Variants in UQCC6 observed in about 807,000 individuals in gnomAD.
UQCC6 encodes ubiquinol-cytochrome c reductase complex assembly factor 6.
At chr12:103,962,977 T>G in the UQCC6 span, among the ~76,000 whole-genome samples, 1 of 152,226 alleles carries the variant, frequency 6.6e-6, no homozygotes, top group Admixed American at 6.5e-5. Context: ...GAAGCTTAGT[T>G]GAAAATCAGT....
chr12:103,957,896 TATATATATA>T, the UQCC6 span, among the ~76,000 whole-genome samples: 8 of 145,528 alleles, frequency 5.5e-5, no homozygotes, highest in African/African-American at 2.0e-4. Flanking sequence ...ACTAAAAATA[TATATATATA>T]ATATATATTT....
chr12:103,956,563 C>A, the UQCC6 span: 1 of 1,065,794 alleles, frequency 9.4e-7, no homozygotes, highest in Non-Finnish European at 1.4e-6. Flanking sequence ...ATGCCTAAGG[C>A]TGGGTAATTT....
chr12:103,951,039 A>T, the UQCC6 span: 1 of 152,426 alleles, frequency 6.6e-6, no homozygotes, highest in African/African-American at 2.4e-5. Context: ...CTTTCATTCT[A>T]GAAAGTGATG....
At chr12:103,951,488 T>C in the UQCC6 span, 3,404 of 1,187,300 alleles carry the variant, frequency 2.9e-3, 71 homozygotes, top group Admixed American at 0.048. Context: ...AATACATATT[T>C]AAGACTTATA....
the UQCC6 span, chr12:103,951,483 A>G: frequency 1.9e-5 from 21 of 1,125,216 alleles, no homozygotes; most frequent in African/African-American, 2.2e-4. Context: ...TAAGAAATAC[A>G]TATTTAAGAC....
At chr12:103,961,443 C>CG in the UQCC6 span, among the ~76,000 whole-genome samples, 1 of 152,176 alleles carries the variant, frequency 6.6e-6, no homozygotes, top group African/African-American at 2.4e-5. Flanking sequence ...CCTAGACCTT[C>CG]GCACTCACTG....
chr12:103,962,239 G>C, the UQCC6 span, among the ~76,000 whole-genome samples: 2 of 152,206 alleles, frequency 1.3e-5, no homozygotes, highest in African/African-American at 4.8e-5. Flanking sequence ...TATCAGATAT[G>C]ATCTGCAAAT....
chr12:103,959,863 G>A, the UQCC6 span, among the ~76,000 whole-genome samples: 1 of 136,978 alleles, frequency 7.3e-6, no homozygotes, highest in African/African-American at 2.7e-5. Context: ...GAGTGCAGAG[G>A]CACAATCTTG....
the UQCC6 span, chr12:103,951,345 A>G: frequency 0.36 from 175,929 of 484,254 alleles, 34,618 homozygotes; most frequent in African/African-American, 0.59. Flanking sequence ...GTGCTTTGGC[A>G]GTTTTCAAGA....
At chr12:103,956,272 C>A in the UQCC6 span, 1 of 188,494 alleles carries the variant, frequency 5.3e-6, no homozygotes, top group Admixed American at 5.5e-5. Flanking sequence ...AAAAGAATGG[C>A]CTCGAAATGG....
At chr12:103,960,215 C>G in the UQCC6 span, among the ~76,000 whole-genome samples, 3 of 152,094 alleles carry the variant, frequency 2.0e-5, no homozygotes, top group Admixed American at 6.5e-5. Context: ...GAATTACAGG[C>G]AGGCGCCACC....
chr12:103,953,682 C>G, the UQCC6 span: 1 of 661,736 alleles, frequency 1.5e-6, no homozygotes, highest in Admixed American at 2.1e-5. Flanking sequence ...TACAGAGATA[C>G]CCCATTGCCA....
the UQCC6 span, chr12:103,955,106 GGA>G: frequency 1.7e-6 from 1 of 579,072 alleles, no homozygotes; most frequent in Non-Finnish European, 3.1e-6. Context: ...CTTGAGGCCA[GGA>G]GTTCAAGACC....
the UQCC6 span, among the ~76,000 whole-genome samples, chr12:103,954,262 T>G: frequency 6.6e-6 from 1 of 152,248 alleles, no homozygotes; most frequent in African/African-American, 2.4e-5. Context: ...AAACTGTGTG[T>G]GTACACATGC....
chr12:103,955,693 C>T, the UQCC6 span: 4 of 444,114 alleles, frequency 9.0e-6, no homozygotes, highest in South Asian at 3.2e-5. Context: ...GGTTGACTCT[C>T]TGAAAGTGTT....
chr12:103,961,635 C>A, the UQCC6 span, among the ~76,000 whole-genome samples: 4 of 152,114 alleles, frequency 2.6e-5, no homozygotes, highest in Admixed American at 6.5e-5. Flanking sequence ...CGGCTCATTG[C>A]AACCTCTGCT....
At chr12:103,961,786 C>G in the UQCC6 span, among the ~76,000 whole-genome samples, 7 of 152,076 alleles carry the variant, frequency 4.6e-5, no homozygotes, top group Non-Finnish European at 1.5e-5. Flanking sequence ...TCTTGAACTC[C>G]TGAGCTCAGG....
the UQCC6 span, among the ~76,000 whole-genome samples, chr12:103,952,350 A>G: frequency 6.6e-6 from 1 of 152,200 alleles, no homozygotes; most frequent in Admixed American, 6.5e-5. Context: ...TCCATGTTGT[A>G]GCTTGTATCA....
chr12:103,960,531 T>C, the UQCC6 span, among the ~76,000 whole-genome samples: 40 of 152,202 alleles, frequency 2.6e-4, no homozygotes, highest in African/African-American at 8.9e-4. Context: ...GGTTTTAATA[T>C]ACATCTCCCT....
Sources: allele counts gnomAD v4.1 joint callset (sites outside exome capture counted in the v4.1 genomes callset), GRCh38; gene constraint gnomAD v4.1.1; transcripts MANE v1.5; gene names NCBI Gene and HGNC (gene_info 2026-07-23, HGNC 2026-07-21).